CDH23: variants seen among roughly 807,000 people sequenced by gnomAD.
The protein encoded by CDH23 is cadherin-23.
CDH23 carries 189 observed loss-of-function variants against 317.1 expected under a neutral mutation model. That is an observed-to-expected ratio of 0.60 (90% confidence interval 0.53 to 0.67). CDH23 has a LOEUF of 0.67. Ranked by LOEUF, CDH23 falls within the 30% of genes least tolerant of loss-of-function variation. CDH23 has a pLI of 0.00. For synonymous variants in CDH23, 1,839 were observed against 1,876.8 expected, an observed-to-expected ratio of 0.98 and a Z score of 0.52; for missense variants, 4,401 against 4,592.4, an observed-to-expected ratio of 0.96 and a Z score of 1.20.
intron 11 of CDH23, among the ~76,000 whole-genome samples, chr10:71,640,487 C>T (rs1265118211): frequency 1.3e-5 from 2 of 152,228 alleles, no homozygotes; most frequent in Admixed American, 6.5e-5. Flanking sequence ...CGGTGGCTCA[C>T]GCCTGTAATC....
chr10:71,778,304 C>T lies in CDH23; in HGVS notation c.5183C>T (p.Thr1728Ile), dbSNP rs750630659. 1.2e-6 allele frequency: 2 copies of T among 1,613,962 alleles called. No individual in the cohort carries two copies. The highest frequency in any genetic ancestry group is 1.1e-5 in the South Asian group (1 of 91,072). Residue 1728 changes from threonine to isoleucine, a missense_variant, in exon 40 of 70, where the codon ACC becomes ATC. Transcript: ENST00000224721. ...TTATCCCACCGCCTCACCTCTACCA[C>T]CACGGTGGGTGCATGGGACACAGCC... ...PILSHRLTST[T>I]TVLVNVNDIN... is the part of the protein sequence containing the mutation.
rs776463188 is a variant in CDH23 at position 71,790,408 on chromosome 10, G to A, written c.6044G>A (p.Ser2015Asn). 7 of 1,612,486 alleles carry A rather than the reference G, an allele frequency of 4.3e-6. No individual in the cohort carries two copies. The highest frequency in any genetic ancestry group is 2.7e-5 in the African/African-American group (2 of 74,910). The change falls in exon 46 of 70, where the codon AGC becomes AAC. Residue 2015 changes from serine (S) to asparagine (N), a missense_variant. Coordinates refer to ENST00000224721, the MANE Select transcript of CDH23 (RefSeq NM_022124.6). ...AGTGGCCTCTTTGACATCAACAGCA[G>A]CACCGGTGAGGCCTCTGTGCCACCC... The part of the protein sequence containing the change: ...AQSGLFDINS[S>N]TGVVTVRSGV...
At chr10:71,414,894 A>G (rs1269546039) in intron 1 of CDH23, among the ~76,000 whole-genome samples, 1 of 152,162 alleles carries the variant, frequency 6.6e-6, no homozygotes, top group East Asian at 1.9e-4. Flanking sequence ...AGGACCATTT[A>G]TATTCTTATG....
At chr10:71,463,107 G>A (rs942223002) in intron 3 of CDH23, among the ~76,000 whole-genome samples, 1 of 152,256 alleles carries the variant, frequency 6.6e-6, no homozygotes, top group Non-Finnish European at 1.5e-5. Context: ...GACTAGAAAT[G>A]TGTCAATGAG....
At chr10:71,662,169 G>A (rs1282580943) in intron 14 of CDH23, among the ~76,000 whole-genome samples, 1 of 151,984 alleles carries the variant, frequency 6.6e-6, no homozygotes, top group Non-Finnish European at 1.5e-5. Flanking sequence ...GATGTCAGGC[G>A]AGCAATCGTG....
At position 71,807,596 on chromosome 10, in the gene CDH23, GCCATCTTCT is replaced by G; in HGVS notation, c.8392_8400del (p.Ile2798_Ser2800del). 5 of 1,614,008 alleles carry G rather than the reference GCCATCTTCT, an allele frequency of 3.1e-6. No homozygotes were observed. The highest frequency in any genetic ancestry group is 4.2e-6 in the Non-Finnish European group (5 of 1,179,890). On this transcript the variant is annotated inframe_deletion, in exon 59 of 70. Transcript: ENST00000224721. ...GCGGGACCTGGACCGGGAGCGAGAA[GCCATCTTCT>G]CCTTCATCGTCAAGGCCTCCAGCAA...
intron 6 of CDH23, among the ~76,000 whole-genome samples, chr10:71,513,217 G>A (rs1369184097): frequency 6.6e-6 from 1 of 152,136 alleles, no homozygotes; most frequent in African/African-American, 2.4e-5. Context: ...CCCTGCTTGG[G>A]GCTGCTCAGT....
At chr10:71,474,309 T>C (rs559240566) in intron 3 of CDH23, among the ~76,000 whole-genome samples, 1 of 152,312 alleles carries the variant, frequency 6.6e-6, no homozygotes, top group South Asian at 2.1e-4. Flanking sequence ...AACAGGAGGT[T>C]CAGTCTGGGA....
intron 62 of CDH23, 31 bp downstream of exon 62, chr10:71,810,600 C>A: frequency 3.1e-6 from 5 of 1,600,706 alleles, no homozygotes; most frequent in Non-Finnish European, 4.3e-6. Flanking sequence ...GGACTGTCAG[C>A]CTGTCTGTCT....
intron 6 of CDH23, among the ~76,000 whole-genome samples, chr10:71,555,023 G>C (rs1345066619): frequency 6.6e-6 from 1 of 152,190 alleles, no homozygotes; most frequent in Admixed American, 6.5e-5. Flanking sequence ...GATCCTTCCT[G>C]GTCTCCAGAA....
chr10:71,661,185 G>A (rs1863632999), intron 14 of CDH23, among the ~76,000 whole-genome samples: 1 of 152,126 alleles, frequency 6.6e-6, no homozygotes, highest in African/African-American at 2.4e-5. Context: ...AGAGCCTGGC[G>A]AATCTGTAGG....
intron 3 of CDH23, among the ~76,000 whole-genome samples, chr10:71,477,179 G>GT (rs1057402183): frequency 3.8e-4 from 58 of 152,144 alleles, no homozygotes; most frequent in African/African-American, 1.2e-3. Context: ...TTTTGTTTTT[G>GT]TTTTTTTGAA....
rs12218059 is a variant in CDH23 at position 71,462,524 on chromosome 10, C to T, written c.145+16129C>T. ...ACCGGTCACCACACTCACAGTGTGA[C>T]GTGAGAGGCCATGTGCCAAGGAGCA... On this transcript the variant is annotated intron_variant, in intron 3 of 69. Transcript: ENST00000224721. 5.9e-5 allele frequency among the ~76,000 whole-genome samples: 9 copies of T among 152,324 alleles called. No homozygotes were observed. In the East Asian group the frequency reaches 1.2e-3, roughly 20 times the overall value.
intron 47 of CDH23, 44 bp downstream of exon 47, chr10:71,791,379 T>C (rs1350883565): frequency 6.4e-7 from 1 of 1,558,578 alleles, no homozygotes; most frequent in Non-Finnish European, 8.8e-7. Context: ...CAGGGGCCGG[T>C]TGGTGGTCAC....
At chr10:71,562,087 A>G (rs1359104736) in intron 6 of CDH23, among the ~76,000 whole-genome samples, 4 of 152,104 alleles carry the variant, frequency 2.6e-5, no homozygotes, top group Admixed American at 6.5e-5. Flanking sequence ...TGCTGCTTCT[A>G]CAACTCCAAC....
At chr10:71,480,824 A>AT (rs557028443) in intron 3 of CDH23, among the ~76,000 whole-genome samples, 114 of 151,564 alleles carry the variant, frequency 7.5e-4, no homozygotes, top group African/African-American at 2.7e-3. Flanking sequence ...GATGGGTTAT[A>AT]TTTGGGGGTG....
chr10:71,737,146 C>T (rs778258891), intron 34 of CDH23, among the ~76,000 whole-genome samples: 1 of 152,110 alleles, frequency 6.6e-6, no homozygotes, highest in Non-Finnish European at 1.5e-5. Context: ...TTCAAATGGG[C>T]GGACTGGGGC....
intron 3 of CDH23, among the ~76,000 whole-genome samples, chr10:71,452,775 T>C (rs16928875): frequency 0.073 from 11,052 of 152,268 alleles, 1,022 homozygotes; most frequent in African/African-American, 0.21. Flanking sequence ...GGAGTGCTAA[T>C]GTGAGCTATG....
intron 43 of CDH23, 111 bp from the exon 44 acceptor site, chr10:71,785,520 G>T (rs530361797): frequency 1.1e-5 from 8 of 735,516 alleles, no homozygotes; most frequent in South Asian, 1.0e-4. Context: ...TGGCCTTCTA[G>T]ATCATCTCTT....
Sources: allele counts gnomAD v4.1 joint callset (sites outside exome capture counted in the v4.1 genomes callset), GRCh38; gene constraint gnomAD v4.1.1; transcripts MANE v1.5; gene names NCBI Gene and HGNC (gene_info 2026-07-23, HGNC 2026-07-21).